The following ATF7IP variants were observed in gnomAD, a reference collection of about 807,000 sequenced individuals.
The protein encoded by ATF7IP is activating transcription factor 7-interacting protein 1.
ATF7IP carries 23 observed loss-of-function variants against 106.4 expected under a neutral mutation model. That is an observed-to-expected ratio of 0.22 (90% confidence interval 0.16 to 0.31). ATF7IP has a LOEUF of 0.31. ATF7IP is among the 10% of genes least tolerant of loss of function. The pLI, the probability that ATF7IP is intolerant of heterozygous loss-of-function variation, is 1.00. For missense variants in ATF7IP, 1,334 were observed against 1,524.3 expected (o/e 0.88, Z 2.08); for synonymous variants, 542 against 539.0 (o/e 1.01, Z -0.08).
chr12:14,478,576 G>C, intron 12 of ATF7IP, 104 bp downstream of exon 12: 2 of 1,354,200 alleles, frequency 1.5e-6, no homozygotes, highest in South Asian at 1.3e-5. Flanking sequence ...TATTCATCTT[G>C]TTAATTTGAG....
Position 14,502,627 on chromosome 12 carries a change from A to T in ATF7IP, c.*4554A>T, listed in dbSNP as rs1945189763. ...GCTTTAGTATTTTATCAGCCATTTT[A>T]AAATTAAATATAAAAATCCTTTGTA... On this transcript the variant is annotated 3_prime_UTR_variant, in exon 15 of 15. Coordinates refer to ENST00000261168, the MANE Select transcript of ATF7IP (RefSeq NM_018179.5). 6.6e-6 allele frequency: 1 copy of T among 152,160 alleles called. No homozygotes were observed. The highest frequency in any genetic ancestry group is 2.1e-4 in the South Asian group (1 of 4,824). The allele number at this position is 152,160 out of a possible 1,614,324, so 9.4% of individuals were successfully genotyped here. A position where few individuals can be genotyped will look rare whatever the true frequency, so the allele number is the denominator to read the frequency against.
chr12:14,492,983 A>T (rs1416284588), intron 13 of ATF7IP, among the ~76,000 whole-genome samples: 1 of 152,158 alleles, frequency 6.6e-6, no homozygotes, highest in Non-Finnish European at 1.5e-5. Flanking sequence ...AAAGTGACTG[A>T]TTCACTCTAC....
At position 14,475,979 on chromosome 12, in the gene ATF7IP, A is replaced by T. The variant is rs1213190961; in HGVS notation, c.2941+11A>T. On this transcript the variant is annotated intron_variant, in intron 11 of 14. Coordinates refer to ENST00000261168, the MANE Select transcript of ATF7IP (RefSeq NM_018179.5). ...GTGGAGCTTCACAAGGTACTTCAAT[A>T]GTAATTGTACTAAGCAACGTTTTGA... The T allele has an allele frequency of 1.2e-6, 2 of 1,606,388 alleles. No homozygotes were observed. The highest frequency in any genetic ancestry group is 2.7e-5 in the African/African-American group (2 of 74,778).
At chr12:14,416,165 G>A (rs550147856) in intron 1 of ATF7IP, among the ~76,000 whole-genome samples, 1 of 152,176 alleles carries the variant, frequency 6.6e-6, no homozygotes, top group South Asian at 2.1e-4. Flanking sequence ...AAATTTAGAA[G>A]TGTAAAATAA....
chr12:14,381,784 A>G (rs919477156), intron 1 of ATF7IP, among the ~76,000 whole-genome samples: 1 of 152,014 alleles, frequency 6.6e-6, no homozygotes, highest in Admixed American at 6.5e-5. Flanking sequence ...TTTAGATTCT[A>G]TAGTTTTCAA....
chr12:14,486,349 C>G (rs1354547938), intron 13 of ATF7IP, among the ~76,000 whole-genome samples: 1 of 152,144 alleles, frequency 6.6e-6, no homozygotes, highest in Non-Finnish European at 1.5e-5. Context: ...CCCCAGTGCA[C>G]AGTTACCCTG....
intron 13 of ATF7IP, among the ~76,000 whole-genome samples, chr12:14,494,717 G>A (rs1189802754): frequency 1.3e-4 from 20 of 151,302 alleles, no homozygotes; most frequent in Admixed American, 1.3e-3. Context: ...CAGATCACTT[G>A]AGGTCAGGAG....
intron 5 of ATF7IP, among the ~76,000 whole-genome samples, chr12:14,443,849 A>T (rs1016753074): frequency 6.6e-6 from 1 of 152,204 alleles, no homozygotes; most frequent in East Asian, 1.9e-4. Flanking sequence ...AATATATTCT[A>T]ATAGTTTTCC....
At chr12:14,456,206 G>A (rs911059475) in intron 6 of ATF7IP, among the ~76,000 whole-genome samples, 3 of 152,164 alleles carry the variant, frequency 2.0e-5, no homozygotes, top group Non-Finnish European at 4.4e-5. Flanking sequence ...TGTTAAATGA[G>A]TGAGTCTGGT....
At chr12:14,467,333 G>C (rs1228726144) in intron 10 of ATF7IP, among the ~76,000 whole-genome samples, 3 of 152,060 alleles carry the variant, frequency 2.0e-5, no homozygotes, top group East Asian at 3.9e-4. Flanking sequence ...GGCATCATTT[G>C]ATCTTTAAAT....
chr12:14,435,089 G>C (rs539040990), intron 3 of ATF7IP, among the ~76,000 whole-genome samples: 1 of 151,692 alleles, frequency 6.6e-6, no homozygotes, highest in South Asian at 2.1e-4. Flanking sequence ...CCTTGAGAGA[G>C]AGAGAGAGAA....
intron 1 of ATF7IP, among the ~76,000 whole-genome samples, chr12:14,412,853 A>T (rs899573855): frequency 6.6e-6 from 1 of 152,148 alleles, no homozygotes; most frequent in African/African-American, 2.4e-5. Flanking sequence ...GTCTCTACTA[A>T]AAATACAAAA....
chr12:14,412,995 C>T (rs370965817), intron 1 of ATF7IP, among the ~76,000 whole-genome samples: 2 of 152,166 alleles, frequency 1.3e-5, no homozygotes, highest in South Asian at 2.1e-4. Context: ...GCCTGGGTGA[C>T]AGAGAGGGAC....
At chr12:14,391,542 C>G (rs1939552295) in intron 1 of ATF7IP, among the ~76,000 whole-genome samples, 1 of 152,120 alleles carries the variant, frequency 6.6e-6, no homozygotes, top group Non-Finnish European at 1.5e-5. Flanking sequence ...TTTGTGTTAT[C>G]CCTGATCATT....
chr12:14,461,259 AT>A, intron 9 of ATF7IP, 126 bp downstream of exon 9: 1 of 879,774 alleles, frequency 1.1e-6, no homozygotes, highest in Non-Finnish European at 1.6e-6. Flanking sequence ...TTTCTTGATT[AT>A]TTTTAGTAAT....
chr12:14,447,067 A>G lies in ATF7IP; in HGVS notation c.1995+14A>G, dbSNP rs566466245. On this transcript the variant is annotated intron_variant, in intron 6 of 14. Coordinates refer to ENST00000261168, the MANE Select transcript of ATF7IP (RefSeq NM_018179.5). ...AAAAGACATGAAGTAAAATTTTTCT[A>G]TTCTTGCATAATTAATATTTAGCAC... 2.6e-6 allele frequency: 4 copies of G among 1,565,548 alleles called. No individual in the cohort carries two copies. The highest frequency in any genetic ancestry group is 1.4e-5 in the African/African-American group (1 of 71,478).
chr12:14,480,975 C>A, intron 12 of ATF7IP, 28 bp from the exon 13 acceptor site: 1 of 1,605,800 alleles, frequency 6.2e-7, no homozygotes, highest in South Asian at 1.1e-5. Context: ...TTACTGTATT[C>A]TTAATATCTT....
At chr12:14,438,710 G>A (rs772542552) in intron 5 of ATF7IP, among the ~76,000 whole-genome samples, 3 of 152,018 alleles carry the variant, frequency 2.0e-5, no homozygotes, top group Non-Finnish European at 4.4e-5. Flanking sequence ...TTGGAGTAGG[G>A]GCCCACTATA....
intron 2 of ATF7IP, among the ~76,000 whole-genome samples, chr12:14,428,129 A>G (rs533268163): frequency 6.6e-6 from 1 of 152,042 alleles, no homozygotes; most frequent in East Asian, 1.9e-4. Context: ...AAAAAGCCTT[A>G]TAAGTCCTTT....
Sources: gnomAD v4.1 joint callset for allele counts (sites outside exome capture counted in the v4.1 genomes callset) on GRCh38, gnomAD v4.1.1 for gene constraint, MANE v1.5 for transcripts, NCBI Gene and HGNC (gene_info 2026-07-23, HGNC 2026-07-21) for gene names.